Variants in LINGO1 observed in about 807,000 individuals in gnomAD.
LINGO1 encodes the protein leucine rich repeat and Ig domain containing 1, also known as leucine-rich repeat and immunoglobulin-like domain-containing nogo receptor-interacting protein 1.
In LINGO1, 11 loss-of-function variants were observed where a neutral mutation model predicts 37.3. The ratio of observed to expected loss-of-function variants is 0.29; its 90% CI spans 0.19 to 0.49. The LOEUF is 0.49. LINGO1 is among the 20% of genes least tolerant of loss of function. The pLI is 0.99. For missense variants in LINGO1, 585 were observed against 878.2 expected (o/e 0.67, Z 4.22); for synonymous variants, 387 against 403.0 (o/e 0.96, Z 0.48).
chr15:77,719,166 GTCC>G (rs201555127), intron 2 of LINGO1, among the ~76,000 whole-genome samples: 2,466 of 150,096 alleles, frequency 0.016, 122 homozygotes, highest in Middle Eastern at 0.048. Context: ...CTCCTGGGAC[GTCC>G]TCCTCACTGC....
chr15:77,634,080 G>A (rs1596021569), upstream of LINGO1, among the ~76,000 whole-genome samples: 1 of 152,174 alleles, frequency 6.6e-6, no homozygotes, highest in Admixed American at 6.5e-5. Flanking sequence ...GCTGGGGGAG[G>A]GGATCTAGCC....
intron 2 of LINGO1, among the ~76,000 whole-genome samples, chr15:77,714,798 G>A (rs898644499): frequency 5.3e-5 from 8 of 152,144 alleles, no homozygotes; most frequent in Non-Finnish European, 1.2e-4. Context: ...ACGTCTCTAC[G>A]CGCCCACACA....
At chr15:77,666,490 C>T (rs886247756) in intron 3 of LINGO1, among the ~76,000 whole-genome samples, 2 of 152,168 alleles carry the variant, frequency 1.3e-5, no homozygotes, top group Non-Finnish European at 2.9e-5. Context: ...TGGGGATTAG[C>T]CTCTGCCTGC....
rs529506394 is a variant in LINGO1, at chr15:77,653,139, G to A, written c.-13+23950C>T. On this transcript the variant is annotated intron_variant, in intron 3 of 3. Transcript: ENST00000559893. The stretch of plus-strand genomic sequence containing the variant: ...CAAAGAGGAAAAGTGACTTGCCCAA[G>A]GTCACACAGCCTTGTGGTTTTGGAC... Among the ~76,000 whole-genome samples, 52 of 152,338 alleles carry A rather than the reference G, an allele frequency of 3.4e-4. No individual in the cohort carries two copies. The South Asian group carries it at 7.7e-3, about 22-fold the overall frequency.
At chr15:77,718,483 C>T (rs1567544851) in intron 2 of LINGO1, among the ~76,000 whole-genome samples, 1 of 150,944 alleles carries the variant, frequency 6.6e-6, no homozygotes, top group African/African-American at 2.4e-5. Flanking sequence ...GGACCACACA[C>T]ATGTATGTAT....
At chr15:77,815,685 G>C (rs376997771) in intron 1 of LINGO1, among the ~76,000 whole-genome samples, 1 of 152,038 alleles carries the variant, frequency 6.6e-6, no homozygotes, top group Admixed American at 6.5e-5. Flanking sequence ...GGTGAATCCT[G>C]AGCCCTCGCC....
chr15:77,657,825 C>G lies in LINGO1; in HGVS notation c.-13+19264G>C, dbSNP rs187992833. Among the ~76,000 whole-genome samples, 9 of 152,272 alleles carry G rather than the reference C, an allele frequency of 5.9e-5. No homozygotes were observed. In the East Asian group the frequency reaches 1.5e-3, roughly 26 times the overall value. On this transcript the variant is annotated intron_variant, in intron 3 of 3. Coordinates refer to the LINGO1 transcript ENST00000559893. ...GGGCTTGAGGGAGGGGGAGGAGGCC[C>G]GGAGAAACTGGAACTGTTACAAAGT...
chr15:77,701,908 C>G (rs1404571413), intron 2 of LINGO1, among the ~76,000 whole-genome samples: 1 of 152,150 alleles, frequency 6.6e-6, no homozygotes, highest in Non-Finnish European at 1.5e-5. Flanking sequence ...GAGTAACACA[C>G]AAACGGACTA....
At chr15:77,688,755 A>G (rs1271289398) in intron 2 of LINGO1, among the ~76,000 whole-genome samples, 3 of 152,272 alleles carry the variant, frequency 2.0e-5, no homozygotes, top group Non-Finnish European at 2.9e-5. Flanking sequence ...AAACAAAGGA[A>G]GAAATCAGGA....
chr15:77,719,811 C>T (rs2076028466), intron 2 of LINGO1, among the ~76,000 whole-genome samples: 1 of 149,670 alleles, frequency 6.7e-6, no homozygotes, highest in African/African-American at 2.4e-5. Flanking sequence ...CGCACACTCA[C>T]ACGCTTTCAT....
chr15:77,672,000 G>GCCT (rs10559337), intron 3 of LINGO1, among the ~76,000 whole-genome samples: 5,098 of 145,656 alleles, frequency 0.035, 247 homozygotes, highest in African/African-American at 0.1. Context: ...ATGAGCCTCT[G>GCCT]CCTCCTCCTC....
intron 1 of LINGO1, among the ~76,000 whole-genome samples, chr15:77,776,484 GGAAAGCAGGAAGGCAGGAAGGC>G (rs2076646089): frequency 2.3e-5 from 3 of 132,558 alleles, no homozygotes; most frequent in African/African-American, 9.1e-5. Context: ...CAGGAAGGCA[GGAAAGCAGGAAGGCAGGAAGGC>G]AGGAAGGCAG....
In LINGO1 at chr15:77,644,054, C is replaced by G. The variant is rs537233650; in HGVS notation, c.-12-28154G>C. Among the ~76,000 whole-genome samples, 10 of 152,368 alleles carry G rather than the reference C, an allele frequency of 6.6e-5. No individual in the cohort carries two copies. In the East Asian group the frequency reaches 1.9e-3, roughly 29 times the overall value. On this transcript the variant is annotated intron_variant, in intron 3 of 3. Transcript: ENST00000559893. ...GCAGGGCCCGGCACTCAGGAGCCCT[C>G]CAGGGGAGAGTCCTTGTGACCGTGA...
At position 77,614,757 on chromosome 15, in the gene LINGO1, G is replaced by T; in HGVS notation, c.1150C>A (p.Arg384Ser). Residue 384 changes from arginine (R) to serine (S), a missense_variant, in exon 2 of 2, where the codon CGC (arginine) becomes AGC (serine). Transcript: ENST00000355300. ...DCRLLWVFRR[R>S]WRLNFNRQQP... is the part of the protein sequence containing the mutation. ...TGCCGGTTGAAGTTGAGCCGCCAGC[G>T]GCGCCGGAACACCCACAGGAGCCGA... 2 of 1,607,254 alleles carry T rather than the reference G, an allele frequency of 1.2e-6. No homozygotes were observed. The highest frequency in any genetic ancestry group is 2.2e-5 in the East Asian group (1 of 44,468).
At chr15:77,706,069 CAT>C (rs2075849028) in intron 2 of LINGO1, among the ~76,000 whole-genome samples, 2 of 152,286 alleles carry the variant, frequency 1.3e-5, no homozygotes, top group South Asian at 4.1e-4. Context: ...GGGATAATAA[CAT>C]ATAAATCCCA....
Position 77,679,847 on chromosome 15 carries a change from A to G in LINGO1, c.-98-2673T>C, listed in dbSNP as rs574423788. On this transcript the variant is annotated intron_variant, in intron 2 of 3. Transcript: ENST00000559893. ...ATGTGATCAGGATATTACATAGCCC[A>G]TAGCAACCACTCGATATGCCCCAGG... is the stretch of plus-strand genomic sequence containing the variant. 1.9e-4 allele frequency among the ~76,000 whole-genome samples: 29 copies of G among 152,326 alleles called. 2 individuals are homozygous for G. The South Asian group carries it at 6.0e-3, about 32-fold the overall frequency.
chr15:77,682,335 C>A (rs2075431260), intron 2 of LINGO1, among the ~76,000 whole-genome samples: 1 of 139,902 alleles, frequency 7.1e-6, no homozygotes, highest in Non-Finnish European at 1.6e-5. Context: ...TCATACAGTA[C>A]TTGGTAGAGA....
In LINGO1 at chr15:77,614,270, G is replaced by T. The variant is rs1480029782; in HGVS notation, c.1637C>A (p.Ala546Asp). The T allele has an allele frequency of 6.2e-7, 1 of 1,614,060 alleles. No individual in the cohort carries two copies. The highest frequency in any genetic ancestry group is 2.2e-5 in the East Asian group (1 of 44,878). The change falls in exon 2 of 2, where the codon GCC (alanine) becomes GAC (aspartate). Residue 546 changes from alanine (A) to aspartate (D), a missense_variant. This residue lies in a region of LINGO1 where 484 missense variants were observed against 735.0 expected (regional missense o/e 0.66). Transcript: ENST00000355300. ...GATGTCGAAGGGGAAAGGCACAGTG[G>T]CGCGGGTGCTGTTGGCCTCTCCCTC... ...PGEGEANSTR[A>D]TVPFPFDIKT...
upstream of LINGO1, among the ~76,000 whole-genome samples, chr15:77,638,854 C>G (rs1036126859): frequency 6.6e-6 from 1 of 152,124 alleles, no homozygotes; most frequent in Non-Finnish European, 1.5e-5. Context: ...TTGTGTAATC[C>G]CCTCCCCTTC....
Sources: gnomAD v4.1 joint callset for allele counts (sites outside exome capture counted in the v4.1 genomes callset) on GRCh38, gnomAD v4.1.1 for gene constraint, gnomAD v4.1.1 regional missense constraint, MANE v1.5 for transcripts, NCBI Gene and HGNC (gene_info 2026-07-23, HGNC 2026-07-21) for gene names.